Variants in BAZ2B observed in about 807,000 individuals in gnomAD.
BAZ2B encodes bromodomain adjacent to zinc finger domain protein 2B.
BAZ2B carries 91 observed loss-of-function variants against 246.0 expected under a neutral mutation model. The observed-to-expected ratio is 0.37, with a 90% CI of 0.31 to 0.44. The LOEUF is 0.44. Among genes scored for constraint, BAZ2B ranks in the 20% least tolerant of loss-of-function variants. The pLI is 1.00. For synonymous variants in BAZ2B, 855 were observed against 860.0 expected (o/e 0.99, Z 0.10); for missense variants, 2,332 against 2,533.7 (o/e 0.92, Z 1.71).
chr2:159,421,010 C>T (rs2068649149), intron 13 of BAZ2B, among the ~76,000 whole-genome samples: 1 of 152,138 alleles, frequency 6.6e-6, no homozygotes, highest in Admixed American at 6.5e-5. Context: ...TATCACTCCT[C>T]TAAAATCAAG....
chr2:159,516,142 T>C (rs1000148273), intron 2 of BAZ2B: 2 of 152,118 alleles, frequency 1.3e-5, no homozygotes, highest in Non-Finnish European at 2.9e-5. Context: ...GTTTCTACTC[T>C]AATTGTAAAC....
At chr2:159,337,398 T>C in intron 32 of BAZ2B, 169 bp downstream of exon 32, 1 of 1,434,488 alleles carries the variant, frequency 7.0e-7, no homozygotes, top group Non-Finnish European at 9.4e-7. Context: ...TAACAGGCAA[T>C]AGAAAATAGG....
the BAZ2B span, among the ~76,000 whole-genome samples, chr2:159,657,353 C>T: frequency 2.0e-5 from 3 of 152,150 alleles, no homozygotes; most frequent in Non-Finnish European, 2.9e-5. Flanking sequence ...CAGTACCACA[C>T]CGTGTTGATT....
the BAZ2B span, among the ~76,000 whole-genome samples, chr2:159,649,681 G>A: frequency 6.6e-6 from 1 of 152,128 alleles, no homozygotes; most frequent in Admixed American, 6.6e-5. Context: ...GACCTACACT[G>A]ACGTAGTTTT....
the BAZ2B span, among the ~76,000 whole-genome samples, chr2:159,671,464 C>T: frequency 1.4e-4 from 21 of 152,130 alleles, no homozygotes; most frequent in African/African-American, 4.3e-4. Flanking sequence ...CCCAGAGAGG[C>T]AATGTTTTTA....
the BAZ2B span, among the ~76,000 whole-genome samples, chr2:159,706,651 TC>T: frequency 6.6e-6 from 1 of 152,246 alleles, no homozygotes; most frequent in Non-Finnish European, 1.5e-5. Flanking sequence ...TCAGCAAACT[TC>T]CTGTACTAAA....
the BAZ2B span, among the ~76,000 whole-genome samples, chr2:159,632,591 T>C: frequency 3.9e-5 from 6 of 152,290 alleles, no homozygotes; most frequent in Non-Finnish European, 7.4e-5. Context: ...CCCAACTCTG[T>C]GATAAGTGAT....
chr2:159,491,605 C>T (rs1354761695), intron 2 of BAZ2B, among the ~76,000 whole-genome samples: 4 of 147,620 alleles, frequency 2.7e-5, no homozygotes, highest in Admixed American at 1.3e-4. Context: ...CCTGTAGTCC[C>T]AGCTACTTGG....
intron 1 of BAZ2B, among the ~76,000 whole-genome samples, chr2:159,567,462 T>C (rs963922287): frequency 3.9e-5 from 6 of 152,246 alleles, no homozygotes; most frequent in African/African-American, 1.4e-4. Context: ...ATCATTTTAC[T>C]GAATTGTCAA....
chr2:159,510,276 G>C (rs1464584041), intron 2 of BAZ2B, among the ~76,000 whole-genome samples: 2 of 152,116 alleles, frequency 1.3e-5, no homozygotes, highest in South Asian at 2.1e-4. Context: ...TCAACCTCCT[G>C]TGTTCGAGGC....
chr2:159,640,696 G>A, the BAZ2B span, among the ~76,000 whole-genome samples: 1 of 151,796 alleles, frequency 6.6e-6, no homozygotes. Flanking sequence ...ATACACTGAA[G>A]GCAGTAGTAA....
At chr2:159,429,781 G>C (rs112045904) in intron 10 of BAZ2B, among the ~76,000 whole-genome samples, 1 of 152,204 alleles carries the variant, frequency 6.6e-6, no homozygotes, top group Non-Finnish European at 1.5e-5. Context: ...TTCTAAGACC[G>C]AGATCAAGTT....
At chr2:159,610,240 C>CAGACAA (rs1410978033) in intron 1 of BAZ2B, among the ~76,000 whole-genome samples, 6 of 152,138 alleles carry the variant, frequency 3.9e-5, no homozygotes, top group African/African-American at 7.2e-5. Flanking sequence ...CAGACCTGAC[C>CAGACAA]TACTAGAAGA....
the BAZ2B span, among the ~76,000 whole-genome samples, chr2:159,658,281 G>T: frequency 1.3e-5 from 2 of 152,012 alleles, no homozygotes; most frequent in Admixed American, 1.3e-4. Flanking sequence ...AGTTGGTCAT[G>T]GTATATAATT....
rs115349645 is a variant in BAZ2B, at chr2:159,592,785, C to T, written c.-46+23457G>A. Reference sequence around the variant, plus strand: ...CCCCAACTGACAGCGTGACAGCCACCTCTTGAGAGATCTTAAGCCAAAACC... The same window carrying T: ...CCCCAACTGACAGCGTGACAGCCACTTCTTGAGAGATCTTAAGCCAAAACC... On this transcript the variant is annotated intron_variant, in intron 1 of 36. Transcript: ENST00000392783. Among the ~76,000 whole-genome samples, 1,433 of 152,282 alleles carry T rather than the reference C, an allele frequency of 9.4e-3. 23 individuals are homozygous for T. The highest frequency in any genetic ancestry group is 0.033 in the African/African-American group (1,386 of 41,552).
In BAZ2B at chr2:159,411,208, G is replaced by A. The variant is rs1238810492; in HGVS notation, c.2677+1127C>T. 2.6e-5 allele frequency among the ~76,000 whole-genome samples: 4 copies of A among 152,126 alleles called. No individual in the cohort carries two copies. The East Asian group carries it at 7.7e-4, about 29-fold the overall frequency. The stretch of plus-strand genomic sequence containing the variant: ...GGCTAATTTTAAAATTTTATTTGTA[G>A]AGATGGGGTCTTGCTTCATTGCCCA... On this transcript the variant is annotated intron_variant, in intron 14 of 36. Coordinates refer to ENST00000392783, the MANE Select transcript of BAZ2B (RefSeq NM_013450.4).
At chr2:159,490,514 T>TTTTG (rs1422252125) in intron 2 of BAZ2B, among the ~76,000 whole-genome samples, 1 of 152,108 alleles carries the variant, frequency 6.6e-6, no homozygotes, top group Non-Finnish European at 1.5e-5. Flanking sequence ...TTTAGAGTTT[T>TTTTG]TTTGTTTGTT....
At chr2:159,367,331 G>A (rs1224652705) in intron 27 of BAZ2B, among the ~76,000 whole-genome samples, 2 of 152,076 alleles carry the variant, frequency 1.3e-5, no homozygotes, top group East Asian at 3.9e-4. Flanking sequence ...CTTATCTGAA[G>A]TTATCATCAC....
intron 3 of BAZ2B, among the ~76,000 whole-genome samples, chr2:159,467,522 CT>C (rs1258593494): frequency 6.6e-6 from 1 of 152,186 alleles, no homozygotes; most frequent in Middle Eastern, 3.2e-3. Context: ...AATCTCTTTG[CT>C]TTGATTAATT....
Sources: gnomAD v4.1 joint callset for allele counts (sites outside exome capture counted in the v4.1 genomes callset) on GRCh38, gnomAD v4.1.1 for gene constraint, MANE v1.5 for transcripts, NCBI Gene and HGNC (gene_info 2026-07-23, HGNC 2026-07-21) for gene names.